SLC38A12: variants seen among roughly 807,000 people sequenced by gnomAD.
The protein encoded by SLC38A12 is putative sodium-coupled neutral amino acid transporter 12.
chr17:74,821,123 T>C, the SLC38A12 span, among the ~76,000 whole-genome samples: 19 of 152,290 alleles, frequency 1.2e-4, no homozygotes, highest in South Asian at 4.1e-4. Context: ...TCTGAGGGGT[T>C]GTATGTCAGT....
chr17:74,778,411 C>G, the SLC38A12 span, among the ~76,000 whole-genome samples: 2 of 152,156 alleles, frequency 1.3e-5, no homozygotes. Context: ...CAACAGCTGC[C>G]CTGCCTTGTA....
At chr17:74,838,914 G>C in the SLC38A12 span, 1 of 1,535,770 alleles carries the variant, frequency 6.5e-7, no homozygotes, top group Non-Finnish European at 8.7e-7. Context: ...GTGATGGGAA[G>C]AGCAGAAGAG....
At chr17:74,836,489 C>T in the SLC38A12 span, 32 of 1,610,704 alleles carry the variant, frequency 2.0e-5, no homozygotes, top group South Asian at 1.9e-4. This position sits in a 1 kb window ranked among gnomAD's most constrained non-coding sequence, Gnocchi z 4.2. Context: ...ACGCGGGCAC[C>T]GGCATCCAGT....
chr17:74,827,674 A>C, the SLC38A12 span, among the ~76,000 whole-genome samples: 2 of 152,160 alleles, frequency 1.3e-5, no homozygotes, highest in Non-Finnish European at 2.9e-5. This position sits in a 1 kb window ranked among gnomAD's most constrained non-coding sequence, Gnocchi z 4.7. Context: ...AGCTGTGCCC[A>C]GTGTAACTTG....
the SLC38A12 span, chr17:74,837,320 GC>G: frequency 2.0e-6 from 2 of 985,396 alleles, no homozygotes; most frequent in Non-Finnish European, 2.4e-6. Context: ...AGCTGCGAGG[GC>G]CCTCGCTGTG....
chr17:74,832,623 G>A, the SLC38A12 span, among the ~76,000 whole-genome samples: 7 of 152,246 alleles, frequency 4.6e-5, no homozygotes, highest in African/African-American at 1.4e-4. Flanking sequence ...GTGCACACTC[G>A]GTCTGCTCAG....
the SLC38A12 span, among the ~76,000 whole-genome samples, chr17:74,797,509 T>TG: frequency 3.3e-5 from 5 of 152,182 alleles, no homozygotes; most frequent in Non-Finnish European, 7.3e-5. Context: ...AGTCCCCTGC[T>TG]GGGGGCTTCT....
the SLC38A12 span, chr17:74,836,882 C>CG: frequency 7.2e-7 from 1 of 1,380,654 alleles, no homozygotes; most frequent in African/African-American, 1.5e-5. This position sits in a 1 kb window ranked among gnomAD's most constrained non-coding sequence, Gnocchi z 4.2. Flanking sequence ...CTCACTCCCC[C>CG]GGGCAGCTCT....
chr17:74,838,541 A>G, the SLC38A12 span: 2 of 1,125,084 alleles, frequency 1.8e-6, no homozygotes, highest in South Asian at 5.8e-5. Flanking sequence ...GACAGTCTGG[A>G]ACCGCCCAGC....
chr17:74,794,935 C>G, the SLC38A12 span: 18 of 1,176,032 alleles, frequency 1.5e-5, no homozygotes, highest in Non-Finnish European at 2.1e-5. Flanking sequence ...GAGATTTAGT[C>G]AAAAAGAAGA....
At chr17:74,826,150 A>G in the SLC38A12 span, among the ~76,000 whole-genome samples, 451 of 152,350 alleles carry the variant, frequency 3.0e-3, 3 homozygotes, top group African/African-American at 0.01. Context: ...TGACAACTTA[A>G]GAATGAAAAA....
chr17:74,808,285 T>C, the SLC38A12 span, among the ~76,000 whole-genome samples: 2 of 152,336 alleles, frequency 1.3e-5, no homozygotes, highest in South Asian at 4.1e-4. Context: ...AAGGAGACAG[T>C]TGAGTGCTCT....
the SLC38A12 span, among the ~76,000 whole-genome samples, chr17:74,832,203 C>T: frequency 6.6e-6 from 1 of 152,068 alleles, no homozygotes; most frequent in Non-Finnish European, 1.5e-5. Context: ...CTTCCTTCCT[C>T]CTTTCCTTCC....
the SLC38A12 span, among the ~76,000 whole-genome samples, chr17:74,793,562 T>A: frequency 6.6e-6 from 1 of 152,192 alleles, no homozygotes; most frequent in South Asian, 2.1e-4. Context: ...TTATTTTGTG[T>A]CTAGTAATGA....
At chr17:74,820,468 A>ACAC in the SLC38A12 span, among the ~76,000 whole-genome samples, 1 of 152,060 alleles carries the variant, frequency 6.6e-6, no homozygotes, top group Non-Finnish European at 1.5e-5. Context: ...GGGCTGGTCT[A>ACAC]CTTCCGCCAC....
the SLC38A12 span, among the ~76,000 whole-genome samples, chr17:74,821,167 C>T: frequency 6.6e-6 from 1 of 152,260 alleles, no homozygotes; most frequent in African/African-American, 2.4e-5. Flanking sequence ...GAGCCATGCT[C>T]ACCAGCCTGT....
chr17:74,776,988 T>C, the SLC38A12 span, among the ~76,000 whole-genome samples: 1 of 152,262 alleles, frequency 6.6e-6, no homozygotes, highest in Non-Finnish European at 1.5e-5. Context: ...TTAGTGGTTT[T>C]AGAGGCCCCT....
the SLC38A12 span, among the ~76,000 whole-genome samples, chr17:74,802,893 G>A: frequency 6.6e-6 from 1 of 152,100 alleles, no homozygotes; most frequent in African/African-American, 2.4e-5. Context: ...TCCCGGGCAC[G>A]TGGGGAAAAC....
the SLC38A12 span, among the ~76,000 whole-genome samples, chr17:74,808,703 A>G: frequency 1.3e-5 from 2 of 152,152 alleles, no homozygotes; most frequent in Admixed American, 1.3e-4. Context: ...TGTGAGCTTA[A>G]TACCAGCTCC....
Sources: gnomAD v4.1 joint callset for allele counts (sites outside exome capture counted in the v4.1 genomes callset) on GRCh38, gnomAD v4.1.1 for gene constraint, Gnocchi (gnomAD v3.1) non-coding constraint, MANE v1.5 for transcripts, NCBI Gene and HGNC (gene_info 2026-07-23, HGNC 2026-07-21) for gene names.